The following CHMP3 variants were observed in gnomAD, a reference collection of about 807,000 sequenced individuals.
The protein encoded by CHMP3 is charged multivesicular body protein 3, also known as 25.1 protein.
Under a neutral mutation model 27.4 loss-of-function variants are expected in CHMP3, and 8 were observed. That is an observed-to-expected ratio of 0.29 (90% CI 0.17 to 0.53). CHMP3 has a LOEUF of 0.53. Among genes scored for constraint, CHMP3 ranks in the 20% least tolerant of loss-of-function variants. The pLI, the probability that CHMP3 is intolerant of heterozygous loss-of-function variation, is 0.96. For synonymous variants in CHMP3, 86 were observed against 85.5 expected (o/e 1.01, Z -0.03); for missense variants, 208 against 271.5 (o/e 0.77, Z 1.64).
intron 1 of CHMP3, among the ~76,000 whole-genome samples, chr2:86,561,078 T>C (rs1311041997): frequency 6.6e-6 from 1 of 152,218 alleles, no homozygotes; most frequent in East Asian, 1.9e-4. Context: ...AGGTGCCCTA[T>C]CCAAACCAGC....
chr2:86,561,305 A>G (rs1370584977), intron 1 of CHMP3, among the ~76,000 whole-genome samples: 2 of 152,200 alleles, frequency 1.3e-5, no homozygotes, highest in African/African-American at 4.8e-5. Context: ...AGTGGAGACA[A>G]TAACAGTTCC....
intron 2 of CHMP3, among the ~76,000 whole-genome samples, chr2:86,536,470 GTTTTGCTAGACATA>G (rs1676146306): frequency 6.6e-6 from 1 of 151,512 alleles, no homozygotes; most frequent in African/African-American, 2.4e-5. Flanking sequence ...TTATCTGACA[GTTTTGCTAGACATA>G]AAATTTTGGT....
chr2:86,518,317 T>C (rs1311205012), intron 3 of CHMP3, among the ~76,000 whole-genome samples: 1 of 151,946 alleles, frequency 6.6e-6, no homozygotes, highest in African/African-American at 2.4e-5. Flanking sequence ...AACAGAAAGA[T>C]AAAAATCATA....
chr2:86,553,244 C>G (rs1251833075), intron 1 of CHMP3, among the ~76,000 whole-genome samples: 2 of 150,086 alleles, frequency 1.3e-5, no homozygotes, highest in Admixed American at 1.3e-4. Flanking sequence ...ATAGACAAAA[C>G]CATAACAAGG....
At chr2:86,540,049 A>G (rs776816172) in intron 2 of CHMP3, among the ~76,000 whole-genome samples, 1 of 152,216 alleles carries the variant, frequency 6.6e-6, no homozygotes. Context: ...ATCGTTTCTA[A>G]TAAGAATTTT....
chr2:86,558,626 T>TA (rs1677221569), intron 1 of CHMP3, among the ~76,000 whole-genome samples: 1 of 152,158 alleles, frequency 6.6e-6, no homozygotes, highest in Non-Finnish European at 1.5e-5. Context: ...GATGGTGTGA[T>TA]ATGACTACAC....
intron 1 of CHMP3, among the ~76,000 whole-genome samples, chr2:86,555,039 G>T (rs548304999): frequency 6.6e-6 from 1 of 151,812 alleles, no homozygotes; most frequent in South Asian, 2.1e-4. Context: ...GTAGAGACGG[G>T]GTTTCACTAT....
chr2:86,535,255 C>CAA (rs574431905), intron 2 of CHMP3, among the ~76,000 whole-genome samples: 11 of 61,634 alleles, frequency 1.8e-4, no homozygotes, highest in East Asian at 4.4e-4. Context: ...ACCCTATCTC[C>CAA]AAAAAAAAAA....
chr2:86,530,229 G>C (rs976894296), intron 2 of CHMP3, among the ~76,000 whole-genome samples: 5 of 152,214 alleles, frequency 3.3e-5, no homozygotes, highest in Middle Eastern at 3.4e-3. Flanking sequence ...CTGACCTCAG[G>C]TGATCCACCT....
intron 1 of CHMP3, 35 bp from the exon 2 acceptor site, chr2:86,542,347 A>G: frequency 1.9e-6 from 3 of 1,587,036 alleles, no homozygotes; most frequent in South Asian, 2.2e-5. Context: ...TGAGGAGAAA[A>G]GCCGAAACTC....
intron 1 of CHMP3, among the ~76,000 whole-genome samples, chr2:86,544,332 TAC>T (rs1676473193): frequency 6.6e-6 from 1 of 151,776 alleles, no homozygotes; most frequent in Non-Finnish European, 1.5e-5. Context: ...TGTTTTGATT[TAC>T]ATTTTCTTTT....
At chr2:86,510,269 T>A (rs1197538295) in intron 4 of CHMP3, 89 bp downstream of exon 4, 1 of 1,369,630 alleles carries the variant, frequency 7.3e-7, no homozygotes, top group Non-Finnish European at 1.0e-6. Context: ...AGTCTGTTCA[T>A]CCCCACCCAC....
chr2:86,536,339 T>C (rs1457059993), intron 2 of CHMP3, among the ~76,000 whole-genome samples: 1 of 152,216 alleles, frequency 6.6e-6, no homozygotes, highest in Non-Finnish European at 1.5e-5. Flanking sequence ...TTAATGGAGA[T>C]ACTTATTTCT....
rs1160589584 is a variant in CHMP3, at chr2:86,504,816, T to C, written c.*988A>G. 1 of 152,222 alleles carries C rather than the reference T, an allele frequency of 6.6e-6. No individual in the cohort carries two copies. The highest frequency in any genetic ancestry group is 1.5e-5 in the Non-Finnish European group (1 of 68,040). 9.4% of individuals were successfully genotyped at this position (152,222 alleles called of 1,614,324 possible). On this transcript the variant is annotated 3_prime_UTR_variant, in exon 6 of 6. Coordinates refer to ENST00000263856, the MANE Select transcript of CHMP3 (RefSeq NM_016079.4). The stretch of plus-strand genomic sequence containing the variant: ...ATCTGGGTTTGAATCCCATCTCTGA[T>C]ACTTCCCAAACTGAGCTGTTTTCCT...
chr2:86,546,896 T>G (rs910209429), intron 1 of CHMP3, among the ~76,000 whole-genome samples: 1 of 152,248 alleles, frequency 6.6e-6, no homozygotes, highest in African/African-American at 2.4e-5. Context: ...TTTACTGATA[T>G]GGGATTTGCA....
At chr2:86,520,112 G>A (rs1280146529) in intron 3 of CHMP3, among the ~76,000 whole-genome samples, 4 of 152,198 alleles carry the variant, frequency 2.6e-5, no homozygotes, top group Non-Finnish European at 5.9e-5. Context: ...TAAGGGGGCT[G>A]AGGCCAAGAC....
At chr2:86,550,096 TTGAG>T (rs369964082) in intron 1 of CHMP3, among the ~76,000 whole-genome samples, 120 of 152,134 alleles carry the variant, frequency 7.9e-4, no homozygotes, top group African/African-American at 2.8e-3. Flanking sequence ...ACATTGAGCA[TTGAG>T]TGAGTGAGAC....
intron 2 of CHMP3, among the ~76,000 whole-genome samples, chr2:86,535,844 C>T (rs1018199425): frequency 6.6e-6 from 1 of 152,034 alleles, no homozygotes; most frequent in African/African-American, 2.4e-5. Context: ...GAAAACTATG[C>T]TCTCATAAAA....
chr2:86,510,601 G>T, intron 3 of CHMP3, 122 bp from the exon 4 acceptor site: 1 of 1,349,994 alleles, frequency 7.4e-7, no homozygotes, highest in Non-Finnish European at 1.0e-6. Context: ...TTATTTGTGT[G>T]CCTTTAAATT....
Sources: gnomAD v4.1 joint callset for allele counts (sites outside exome capture counted in the v4.1 genomes callset) on GRCh38, gnomAD v4.1.1 for gene constraint, MANE v1.5 for transcripts, NCBI Gene and HGNC (gene_info 2026-07-23, HGNC 2026-07-21) for gene names.